Variants in ABI3BP observed in about 807,000 individuals in gnomAD.
ABI3BP encodes ABI family member 3 binding protein.
ABI3BP carries 216 observed loss-of-function variants against 268.6 expected under a neutral mutation model. That is an observed-to-expected ratio of 0.80 (90% confidence interval 0.72 to 0.90). The LOEUF (loss-of-function observed/expected upper bound fraction) is 0.90. ABI3BP is among the 40% of genes least tolerant of loss of function. ABI3BP has a pLI of 0.00. For missense variants in ABI3BP, 2,090 were observed against 2,182.4 expected (o/e 0.96, Z 0.84); for synonymous variants, 730 against 730.0 (o/e 1.00, Z 0.00).
At chr3:100,893,733 A>G (rs2045872520) in intron 4 of ABI3BP, among the ~76,000 whole-genome samples, 1 of 152,216 alleles carries the variant, frequency 6.6e-6, no homozygotes, top group Admixed American at 6.5e-5. Flanking sequence ...AACAGGATCA[A>G]CAGAAGGCTT....
chr3:100,983,443 T>C (rs2090508308), intron 1 of ABI3BP, among the ~76,000 whole-genome samples: 1 of 152,246 alleles, frequency 6.6e-6, no homozygotes, highest in South Asian at 2.1e-4. Context: ...TTAACTCCTA[T>C]ATTTTGCACT....
At chr3:100,919,234 A>G (rs1381116615) in intron 2 of ABI3BP, among the ~76,000 whole-genome samples, 4 of 151,518 alleles carry the variant, frequency 2.6e-5, no homozygotes, top group Non-Finnish European at 5.9e-5. Context: ...TTCAACCCCT[A>G]TTTCTGTTTT....
rs183611281 is a variant in ABI3BP at position 100,769,548 on chromosome 3, C to T, written c.4741+1195G>A. On this transcript the variant is annotated intron_variant, in intron 62 of 67. Transcript: ENST00000471714. ...ATTAACCAGTTCCAACTCAATGTTCCGTATCTTTAAGGCAAATGAAATTTT... is the reference window on the plus strand; with the variant it reads ...ATTAACCAGTTCCAACTCAATGTTCTGTATCTTTAAGGCAAATGAAATTTT... Among the ~76,000 whole-genome samples the T allele has an allele frequency of 1.4e-4, 21 of 152,252 alleles. No homozygotes were observed. In the East Asian group the frequency reaches 2.7e-3, roughly 20 times the overall value.
At chr3:100,796,546 TC>T in intron 51 of ABI3BP, 78 bp from the exon 52 acceptor site, 2 of 1,117,566 alleles carry the variant, frequency 1.8e-6, no homozygotes, top group Non-Finnish European at 2.5e-6. Context: ...GATATAAAAA[TC>T]CCAGAAAGCA....
At chr3:100,767,671 T>A (rs566778092) in intron 62 of ABI3BP, among the ~76,000 whole-genome samples, 4 of 152,112 alleles carry the variant, frequency 2.6e-5, no homozygotes, top group South Asian at 4.2e-4. Flanking sequence ...GAACTTGGTC[T>A]CAGTCCTCCC....
At chr3:100,940,752 T>C (rs1451538321) in intron 1 of ABI3BP, among the ~76,000 whole-genome samples, 1 of 115,706 alleles carries the variant, frequency 8.6e-6, no homozygotes, top group Non-Finnish European at 1.7e-5. Context: ...ACTTTGGACA[T>C]GGTAATCCCT....
chr3:100,778,161 G>A (rs1477325775), intron 59 of ABI3BP, 123 bp downstream of exon 59: 1 of 933,094 alleles, frequency 1.1e-6, no homozygotes, highest in African/African-American at 1.7e-5. Context: ...CTAGTCTTCA[G>A]GGCCAACACA....
intron 1 of ABI3BP, among the ~76,000 whole-genome samples, chr3:100,969,604 A>G (rs1330099392): frequency 1.3e-5 from 2 of 152,224 alleles, no homozygotes; most frequent in Non-Finnish European, 2.9e-5. Flanking sequence ...AAGAAAGGAG[A>G]AAAAAACCCT....
At chr3:100,877,382 C>T (rs1429732461) in intron 6 of ABI3BP, among the ~76,000 whole-genome samples, 2 of 152,224 alleles carry the variant, frequency 1.3e-5, no homozygotes, top group Non-Finnish European at 2.9e-5. Flanking sequence ...ACAGCAAGGA[C>T]TCTGATCCAG....
Position 100,959,485 on chromosome 3 carries a change from G to A in ABI3BP, c.80-33004C>T, listed in dbSNP as rs1476411120. 1.2e-4 allele frequency among the ~76,000 whole-genome samples: 10 copies of A among 85,086 alleles called. No homozygotes were observed. In the South Asian group the frequency reaches 1.8e-3, roughly 15 times the overall value. 55.8% of individuals were successfully genotyped at this position (85,086 alleles called of 152,430 possible). A position where few individuals can be genotyped will look rare whatever the true frequency, so the allele number is the denominator to read the frequency against. On this transcript the variant is annotated intron_variant, in intron 1 of 67. Coordinates refer to ENST00000471714, the MANE Select transcript of ABI3BP (RefSeq NM_001375547.2). ...AGCCTGGGCGACAGAGCGAGACTCCGTCTCAAAAAAAAAAAAAAAAAAAAA... is the reference window on the plus strand; with the variant it reads ...AGCCTGGGCGACAGAGCGAGACTCCATCTCAAAAAAAAAAAAAAAAAAAAA...
intron 1 of ABI3BP, among the ~76,000 whole-genome samples, chr3:100,939,846 C>A (rs1018947829): frequency 1.3e-5 from 2 of 152,010 alleles, no homozygotes; most frequent in African/African-American, 4.8e-5. Flanking sequence ...GTCTATTTCA[C>A]CCCTAGAGTC....
chr3:100,935,553 A>G (rs1012657868), intron 1 of ABI3BP, among the ~76,000 whole-genome samples: 1 of 152,070 alleles, frequency 6.6e-6, no homozygotes, highest in Non-Finnish European at 1.5e-5. Context: ...GATTAAATCT[A>G]TAAATTACTT....
rs907376502 is a variant in ABI3BP at position 100,823,354 on chromosome 3, T to C, written c.2803+104A>G. 1.3e-5 allele frequency: 13 copies of C among 967,598 alleles called. No individual in the cohort carries two copies. The African/African-American group carries it at 2.0e-4, about 15-fold the overall frequency. The allele number at this position is 967,598 out of a possible 1,614,324, so 59.9% of individuals were successfully genotyped here. ...AGAGTCTTATAATTTCAAGAAGAGT[T>C]GAATGGCCATCAAGAATGACACTGT... On this transcript the variant is annotated intron_variant, in intron 37 of 67. Coordinates refer to ENST00000471714, the MANE Select transcript of ABI3BP (RefSeq NM_001375547.2).
chr3:100,780,336 AT>A, intron 57 of ABI3BP, 127 bp from the exon 58 acceptor site: 1 of 785,292 alleles, frequency 1.3e-6, no homozygotes, highest in Non-Finnish European at 2.0e-6. Context: ...ATGCCAAGAC[AT>A]TTTACGGGCT....
intron 61 of ABI3BP, among the ~76,000 whole-genome samples, chr3:100,773,659 G>A (rs2096619184): frequency 6.6e-6 from 1 of 152,160 alleles, no homozygotes; most frequent in Non-Finnish European, 1.5e-5. Context: ...GGTCATAATA[G>A]CTTTATCAGT....
chr3:100,838,141 TTG>T, intron 26 of ABI3BP, 67 bp downstream of exon 26: 1 of 1,434,830 alleles, frequency 7.0e-7, no homozygotes, highest in South Asian at 1.2e-5. Flanking sequence ...ATATGACAGA[TTG>T]GAAACATTTT....
intron 6 of ABI3BP, among the ~76,000 whole-genome samples, chr3:100,879,535 G>A (rs1386423611): frequency 6.6e-6 from 1 of 152,100 alleles, no homozygotes; most frequent in Non-Finnish European, 1.5e-5. Context: ...TTTCCTTGTT[G>A]TAATGATTTG....
chr3:100,854,351 T>TAAC (rs970607321), intron 14 of ABI3BP, among the ~76,000 whole-genome samples: 62 of 151,996 alleles, frequency 4.1e-4, no homozygotes, highest in African/African-American at 9.4e-4. Flanking sequence ...AGCAACTCCA[T>TAAC]AACAACAACA....
chr3:100,843,245 A>G (rs1168000282), intron 20 of ABI3BP, among the ~76,000 whole-genome samples: 1 of 152,214 alleles, frequency 6.6e-6, no homozygotes. Flanking sequence ...GCTAAAGAGT[A>G]CAAATTAGGT....
Sources: gnomAD v4.1 joint callset for allele counts (sites outside exome capture counted in the v4.1 genomes callset) on GRCh38, gnomAD v4.1.1 for gene constraint, MANE v1.5 for transcripts, NCBI Gene and HGNC (gene_info 2026-07-23, HGNC 2026-07-21) for gene names.